The following CPSF2 variants were observed in gnomAD, a reference collection of about 807,000 sequenced individuals.
CPSF2 encodes the protein cleavage and polyadenylation specific factor 2, also known as cleavage and polyadenylation specificity factor subunit 2.
In CPSF2, 51 loss-of-function variants were observed where a neutral mutation model predicts 84.2. The observed-to-expected ratio is 0.61, with a 90% CI of 0.48 to 0.77. The LOEUF is 0.77. CPSF2 is among the 30% of genes least tolerant of loss of function. The pLI is 0.00. For missense variants in CPSF2, 641 were observed against 929.4 expected (o/e 0.69, Z 4.03); for synonymous variants, 286 against 311.9 (o/e 0.92, Z 0.87).
chr14:92,128,730 A>G (rs530129559), intron 2 of CPSF2, among the ~76,000 whole-genome samples: 4 of 152,296 alleles, frequency 2.6e-5, no homozygotes, highest in Non-Finnish European at 5.9e-5. Flanking sequence ...GATACCACTG[A>G]CCCCAGAGGA....
chr14:92,158,521 T>G (rs557606329), intron 13 of CPSF2, among the ~76,000 whole-genome samples: 1 of 152,146 alleles, frequency 6.6e-6, no homozygotes, highest in Admixed American at 6.5e-5. Context: ...AATATGGAGA[T>G]GTGAAATTCT....
In CPSF2 at chr14:92,161,232, G is replaced by T; in HGVS notation, c.2242G>T (p.Val748Leu). ...AGGTGTACTTGTTTGCAACAATCAA[G>T]TAGCAGTCCGCAGAGTAAGTGTGTT... ...VGGVLVCNNQVAVRRTETGRI... is the reference protein window; with the variant it reads ...VGGVLVCNNQLAVRRTETGRI... Residue 748 changes from valine to leucine, a missense_variant, in exon 15 of 16, where the codon GTA becomes TTA. Val to Leu is a conservative substitution (Grantham distance 32, BLOSUM62 1). Around this residue, in one of 2 missense-constraint regions of CPSF2, gnomAD observed 430 missense variants for 553.6 expected, o/e 0.78. Transcript: ENST00000298875. 1 of 1,612,274 alleles carries T rather than the reference G, an allele frequency of 6.2e-7. No homozygotes were observed. The highest frequency in any genetic ancestry group is 8.5e-7 in the Non-Finnish European group (1 of 1,179,330).
chr14:92,134,874 G>C (rs911391368), intron 5 of CPSF2, among the ~76,000 whole-genome samples: 11 of 152,266 alleles, frequency 7.2e-5, no homozygotes, highest in African/African-American at 2.6e-4. Flanking sequence ...TTGATAAAAT[G>C]GTGCAATAAT....
Position 92,143,280 on chromosome 14 carries a change from A to G in CPSF2, c.1126A>G (p.Ile376Val), listed in dbSNP as rs1273560219. 5 of 1,604,952 alleles carry G rather than the reference A, an allele frequency of 3.1e-6. No individual in the cohort carries two copies. Among genetic ancestry groups the G allele is most frequent in the South Asian group, 2.2e-5 (2 of 90,274 alleles). The change falls in exon 9 of 16, where the codon ATT becomes GTT. Residue 376 changes from isoleucine to valine, a missense_variant. Ile to Val is a conservative substitution (Grantham distance 29). This residue lies in a region of CPSF2 where 430 missense variants were observed against 553.6 expected (regional missense o/e 0.78). Coordinates refer to ENST00000298875, the MANE Select transcript of CPSF2 (RefSeq NM_017437.3). ...RFLIDNPSEK[I>V]TEIELRKRVK... ...CCTAATTGATAATCCTTCTGAAAAA[A>G]TTACAGAAATAGAGGTAAGCACTTG...
At chr14:92,153,398 T>C (rs949880850) in intron 9 of CPSF2, among the ~76,000 whole-genome samples, 2 of 152,184 alleles carry the variant, frequency 1.3e-5, no homozygotes, top group African/African-American at 4.8e-5. Flanking sequence ...TTTTTCTGTT[T>C]CTTTTTTGTT....
rs189407655 is a variant in CPSF2, at chr14:92,125,499, A to G, written c.-93-623A>G. ...CGCTTTTTATCTCCCTGCTTTCTGT[A>G]TCATCTCATCAATCATACACACCAG... On this transcript the variant is annotated intron_variant, in intron 1 of 15. Transcript: ENST00000298875. Among the ~76,000 whole-genome samples the G allele has an allele frequency of 2.4e-3, 366 of 152,234 alleles. 2 individuals carry two copies. Among genetic ancestry groups the G allele is most frequent in the African/African-American group, 6.8e-3 (283 of 41,546 alleles).
intron 2 of CPSF2, among the ~76,000 whole-genome samples, chr14:92,130,164 A>G (rs951513238): frequency 1.3e-5 from 2 of 152,164 alleles, no homozygotes. Context: ...TTGCAAACAT[A>G]TGCCACCTAT....
At chr14:92,152,906 C>T (rs991335700) in intron 9 of CPSF2, among the ~76,000 whole-genome samples, 7 of 151,962 alleles carry the variant, frequency 4.6e-5, no homozygotes, top group Non-Finnish European at 7.3e-5. Flanking sequence ...ATGAGAACTA[C>T]TGATTTAATC....
chr14:92,158,512 A>C (rs956992116), intron 13 of CPSF2, among the ~76,000 whole-genome samples: 3 of 152,176 alleles, frequency 2.0e-5, no homozygotes, highest in African/African-American at 7.2e-5. Context: ...CCTTCCAAGA[A>C]TATGGAGATG....
intron 10 of CPSF2, among the ~76,000 whole-genome samples, chr14:92,154,745 T>G (rs1230392825): frequency 1.3e-5 from 2 of 152,214 alleles, no homozygotes; most frequent in Non-Finnish European, 2.9e-5. Flanking sequence ...GGGGATTTAG[T>G]CATTGTGCAA....
At chr14:92,126,674 G>A (rs1479044614) in intron 2 of CPSF2, among the ~76,000 whole-genome samples, 3 of 151,746 alleles carry the variant, frequency 2.0e-5, no homozygotes, top group Non-Finnish European at 2.9e-5. Flanking sequence ...GTGGTGGTGC[G>A]TGCCCGTAGT....
At chr14:92,139,619 A>G (rs930768648) in intron 7 of CPSF2, among the ~76,000 whole-genome samples, 7 of 150,196 alleles carry the variant, frequency 4.7e-5, no homozygotes, top group Non-Finnish European at 1.5e-5. Context: ...GCTCACTGCA[A>G]CCTTCACTTC....
chr14:92,127,119 G>C (rs1567015244), intron 2 of CPSF2, among the ~76,000 whole-genome samples: 2 of 152,204 alleles, frequency 1.3e-5, no homozygotes, highest in South Asian at 4.1e-4. Context: ...AACAGAGAAG[G>C]TCTTTACCTT....
intron 2 of CPSF2, among the ~76,000 whole-genome samples, chr14:92,129,890 G>T (rs968788381): frequency 1.3e-5 from 2 of 151,918 alleles, no homozygotes; most frequent in African/African-American, 2.4e-5. Context: ...TAGGACTACA[G>T]GTACATGCCA....
chr14:92,128,527 C>T (rs2068871506), intron 2 of CPSF2, among the ~76,000 whole-genome samples: 1 of 152,162 alleles, frequency 6.6e-6, no homozygotes, highest in Non-Finnish European at 1.5e-5. Flanking sequence ...CATATCCCAT[C>T]CCCCCGCCGG....
chr14:92,152,273 G>A (rs1595063639), intron 9 of CPSF2, among the ~76,000 whole-genome samples: 1 of 151,722 alleles, frequency 6.6e-6, no homozygotes, highest in Non-Finnish European at 1.5e-5. Context: ...GAGATTACAG[G>A]CATGTGCCAT....
intron 3 of CPSF2, among the ~76,000 whole-genome samples, chr14:92,133,529 T>C (rs28603079): frequency 0.099 from 15,077 of 152,202 alleles, 828 homozygotes; most frequent in East Asian, 0.15. Flanking sequence ...TGCAGTGGCA[T>C]GATCTCATCA....
chr14:92,129,901 C>A (rs1322426717), intron 2 of CPSF2, among the ~76,000 whole-genome samples: 1 of 151,882 alleles, frequency 6.6e-6, no homozygotes, highest in African/African-American at 2.4e-5. Context: ...GTACATGCCA[C>A]CAGCCAGTTT....
At position 92,121,976 on chromosome 14, in the gene CPSF2, TC is replaced by T; in HGVS notation, c.-244del. ...TTCCTCCTCGTCTCCGCCGCTAGTCTCCAGCTCCAAAATGGCGGCTGCCACT... is the reference window on the plus strand; with the variant it reads ...TTCCTCCTCGTCTCCGCCGCTAGTCTCAGCTCCAAAATGGCGGCTGCCACT... On this transcript the variant is annotated 5_prime_UTR_variant, in exon 1 of 16. Coordinates refer to ENST00000298875, the MANE Select transcript of CPSF2 (RefSeq NM_017437.3). 1.3e-6 allele frequency: 1 copy of T among 768,954 alleles called. No individual in the cohort carries two copies. The highest frequency in any genetic ancestry group is 2.1e-6 in the Non-Finnish European group (1 of 476,838). 47.6% of individuals were successfully genotyped at this position (768,954 alleles called of 1,614,324 possible). A position where few individuals can be genotyped will look rare whatever the true frequency, so the allele number is the denominator to read the frequency against.
Sources: gnomAD v4.1 joint callset for allele counts (sites outside exome capture counted in the v4.1 genomes callset) on GRCh38, gnomAD v4.1.1 for gene constraint, gnomAD v4.1.1 regional missense constraint, MANE v1.5 for transcripts, NCBI Gene and HGNC (gene_info 2026-07-23, HGNC 2026-07-21) for gene names.